Variants in TECPR2 observed in about 807,000 individuals in gnomAD.
TECPR2 encodes tectonin beta-propeller repeat containing 2, also known as tectonin beta-propeller repeat-containing protein 2.
TECPR2 carries 65 observed loss-of-function variants against 138.1 expected under a neutral mutation model. That is an observed-to-expected ratio of 0.47 (90% CI 0.39 to 0.58). TECPR2 has a LOEUF of 0.58. Ranked by LOEUF, TECPR2 falls within the 20% of genes least tolerant of loss-of-function variation. The pLI is 0.00. For missense variants in TECPR2, 1,553 were observed against 1,824.5 expected, an observed-to-expected ratio of 0.85 and a Z score of 2.71; for synonymous variants, 746 against 749.8, an observed-to-expected ratio of 0.99 and a Z score of 0.08.
intron 17 of TECPR2, among the ~76,000 whole-genome samples, chr14:102,492,090 G>C (rs1025630281): frequency 5.9e-5 from 9 of 152,204 alleles, no homozygotes; most frequent in Non-Finnish European, 1.3e-4. Flanking sequence ...GGAAAGATGT[G>C]TCCAGAATGA....
At chr14:102,401,077 T>C (rs1228116873) in intron 2 of TECPR2, among the ~76,000 whole-genome samples, 1 of 151,524 alleles carries the variant, frequency 6.6e-6, no homozygotes, top group Non-Finnish European at 1.5e-5. Context: ...TGTTTATTGG[T>C]TAATTACCTT....
chr14:102,492,854 GT>G (rs1181999407), intron 17 of TECPR2, among the ~76,000 whole-genome samples: 1 of 152,272 alleles, frequency 6.6e-6, no homozygotes, highest in African/African-American at 2.4e-5. Context: ...GCGGCTTCTA[GT>G]AAAGGCTGTT....
At chr14:102,391,418 A>T (rs1888170933) in intron 2 of TECPR2, among the ~76,000 whole-genome samples, 1 of 152,120 alleles carries the variant, frequency 6.6e-6, no homozygotes, top group Non-Finnish European at 1.5e-5. Flanking sequence ...TCAAAGCAAG[A>T]GAATATTTCA....
At chr14:102,418,617 C>T (rs994950488) in intron 5 of TECPR2, among the ~76,000 whole-genome samples, 5 of 152,202 alleles carry the variant, frequency 3.3e-5, no homozygotes, top group Non-Finnish European at 5.9e-5. Flanking sequence ...GGGCCCTGCC[C>T]ATGGGGCTCT....
Position 102,431,974 on chromosome 14 carries a change from G to T in TECPR2, c.1263G>T (p.Gly421=), listed in dbSNP as rs1889506288. The T allele has an allele frequency of 6.2e-7, 1 of 1,612,960 alleles. No individual in the cohort carries two copies. Among genetic ancestry groups the T allele is most frequent in the Non-Finnish European group, 8.5e-7 (1 of 1,179,862 alleles). The change falls in exon 8 of 20, where the codon GGG becomes GGT. Residue 421 remains glycine (G), a synonymous_variant. Coordinates refer to ENST00000359520, the MANE Select transcript of TECPR2 (RefSeq NM_014844.5). ...TCAACTCCACCGACAGCGGCTCCGG[G>T]CTCCTGCCCCCTGGGCTCCAGGCCA... is the stretch of plus-strand genomic sequence containing the variant. ...SSLNSTDSGS[G]LLPPGLQATP... is the part of the protein sequence containing the mutation.
At position 102,465,131 on chromosome 14, in the gene TECPR2, TTATC is replaced by T; in HGVS notation, c.3641-7_3641-4del. ...GTAATTATAGTGTGTGTACTTTTCT[TTATC>T]TACAGGAGCTGTAAAATTGACAAGC... On this transcript the variant is annotated splice_region_variant and splice_polypyrimidine_tract_variant and intron_variant, in intron 16 of 19. Transcript: ENST00000359520. 1 of 1,614,018 alleles carries T rather than the reference TTATC, an allele frequency of 6.2e-7. No individual in the cohort carries two copies. Among genetic ancestry groups the T allele is most frequent in the East Asian group, 2.2e-5 (1 of 44,886 alleles).
At chr14:102,432,174 C>T in intron 8 of TECPR2, 46 bp downstream of exon 8, 1 of 1,447,068 alleles carries the variant, frequency 6.9e-7, no homozygotes, top group Non-Finnish European at 9.1e-7. Flanking sequence ...TACAGTCTTT[C>T]CAGATTCTCT....
intron 13 of TECPR2, among the ~76,000 whole-genome samples, chr14:102,447,709 A>T (rs1445848347): frequency 6.6e-6 from 1 of 151,962 alleles, no homozygotes. Flanking sequence ...TAATTTGTGT[A>T]TTTTTGGTAG....
Position 102,496,990 on chromosome 14 carries a change from C to T in TECPR2, c.3801C>T (p.Val1267=). ...MIEPPVQPAG[V]SLVSVHSSPN... ...CTTCCCGCTTCCAGCCCGCCGGGGT[C>T]AGCTTGGTCAGCGTCCATTCCAGCC... The change falls in exon 18 of 20, where the codon GTC becomes GTT. Residue 1267 remains valine, a synonymous_variant. Coordinates refer to ENST00000359520, the MANE Select transcript of TECPR2 (RefSeq NM_014844.5). 1 of 1,613,964 alleles carries T rather than the reference C, an allele frequency of 6.2e-7. No individual in the cohort carries two copies. The highest frequency in any genetic ancestry group is 1.3e-5 in the African/African-American group (1 of 75,048).
chr14:102,368,339 A>T, intron 1 of TECPR2, among the ~76,000 whole-genome samples: 1 of 151,778 alleles, frequency 6.6e-6, no homozygotes, highest in East Asian at 1.9e-4. Flanking sequence ...TTCTTTGGAG[A>T]AATGTTTCTT....
At chr14:102,364,938 C>G (rs1483091116) in intron 1 of TECPR2, among the ~76,000 whole-genome samples, 2 of 152,130 alleles carry the variant, frequency 1.3e-5, no homozygotes, top group Non-Finnish European at 2.9e-5. Context: ...ACAGAGAGAT[C>G]AGTAAAATTA....
chr14:102,407,402 G>A lies in TECPR2; in HGVS notation c.284G>A (p.Gly95Asp). 1 of 1,613,642 alleles carries A rather than the reference G, an allele frequency of 6.2e-7. No homozygotes were observed. The highest frequency in any genetic ancestry group is 2.2e-5 in the East Asian group (1 of 44,836). Residue 95 changes from glycine to aspartate, a missense_variant, in exon 3 of 20, where the codon GGC becomes GAC. Coordinates refer to ENST00000359520, the MANE Select transcript of TECPR2 (RefSeq NM_014844.5). ...TGCTTTGATGACCTGGTGGCAGCAGGCACAGCCTCTGGCAGGGTTGCAGTT... is the reference window on the plus strand; with the variant it reads ...TGCTTTGATGACCTGGTGGCAGCAGACACAGCCTCTGGCAGGGTTGCAGTT... The part of the protein sequence containing the change: ...LSCFDDLVAA[G>D]TASGRVAVFQ...
At chr14:102,462,432 C>T (rs1297423064) in intron 16 of TECPR2, among the ~76,000 whole-genome samples, 2 of 152,148 alleles carry the variant, frequency 1.3e-5, no homozygotes, top group Non-Finnish European at 1.5e-5. Context: ...GAGAAATTGT[C>T]ATCTTTAGAA....
chr14:102,407,165 T>C (rs959019768), intron 2 of TECPR2, among the ~76,000 whole-genome samples, 173 bp from the exon 3 acceptor site: 1 of 152,162 alleles, frequency 6.6e-6, no homozygotes, highest in South Asian at 2.1e-4. Context: ...CAGCCCTGTT[T>C]TTGTTTTTGT....
rs945375547 is a variant in TECPR2, at chr14:102,498,518, G to A, written c.*261G>A. Reference sequence around the variant, plus strand: ...GCGACTGCCCGGCTGCATGCACTCCGATTACCCACGTGCTGCCGTCCTGGT... The same window carrying A: ...GCGACTGCCCGGCTGCATGCACTCCAATTACCCACGTGCTGCCGTCCTGGT... On this transcript the variant is annotated 3_prime_UTR_variant, in exon 20 of 20. Coordinates refer to ENST00000359520, the MANE Select transcript of TECPR2 (RefSeq NM_014844.5). The A allele has an allele frequency of 5.5e-6, 3 of 547,230 alleles. No individual in the cohort carries two copies. The highest frequency in any genetic ancestry group is 6.6e-6 in the Non-Finnish European group (2 of 304,532). The allele number at this position is 547,230 out of a possible 1,614,324, so 33.9% of individuals were successfully genotyped here. A position where few individuals can be genotyped will look rare whatever the true frequency, so the allele number is the denominator to read the frequency against.
At chr14:102,417,695 G>A (rs1367715003) in intron 5 of TECPR2, among the ~76,000 whole-genome samples, 1 of 152,176 alleles carries the variant, frequency 6.6e-6, no homozygotes, top group African/African-American at 2.4e-5. Context: ...CACTGGCTAT[G>A]GCTGGAGTCC....
intron 5 of TECPR2, among the ~76,000 whole-genome samples, chr14:102,421,846 A>C (rs1047348608): frequency 1.3e-5 from 2 of 152,166 alleles, no homozygotes; most frequent in Non-Finnish European, 1.5e-5. Context: ...CCACATACCC[A>C]CTAGGTGTCA....
intron 17 of TECPR2, 73 bp from the exon 18 acceptor site, chr14:102,496,906 G>C: frequency 6.3e-7 from 1 of 1,576,182 alleles, no homozygotes; most frequent in Middle Eastern, 1.7e-4. Flanking sequence ...CATGTCCCCA[G>C]TTCCGGAAGT....
At chr14:102,465,613 A>G (rs1465938831) in intron 17 of TECPR2, 1 of 1,011,724 alleles carries the variant, frequency 9.9e-7, no homozygotes, top group African/African-American at 1.7e-5. Flanking sequence ...TCTATTTTAT[A>G]ATAATAATGA....
Sources: allele counts gnomAD v4.1 joint callset (sites outside exome capture counted in the v4.1 genomes callset), GRCh38; gene constraint gnomAD v4.1.1; transcripts MANE v1.5; gene names NCBI Gene and HGNC (gene_info 2026-07-23, HGNC 2026-07-21).